LUC7L3: variants seen among roughly 807,000 people sequenced by gnomAD.
The protein encoded by LUC7L3 is luc7-like protein 3.
LUC7L3 carries 6 observed loss-of-function variants against 66.8 expected under a neutral mutation model. The observed-to-expected ratio is 0.09, with a 90% CI of 0.05 to 0.18. The LOEUF (loss-of-function observed/expected upper bound fraction) is 0.18, where lower values mean the gene tolerates loss of function less well. Among genes scored for constraint, LUC7L3 ranks in the 10% least tolerant of loss-of-function variants. The probability of loss-of-function intolerance (pLI) is 1.00; values close to 1 mark genes in which losing one functional copy is unlikely to be tolerated. For synonymous variants in LUC7L3, 160 were observed against 174.7 expected (o/e 0.92, Z 0.66); for missense variants, 341 against 531.1 (o/e 0.64, Z 3.52).
intron 1 of LUC7L3, among the ~76,000 whole-genome samples, chr17:50,727,914 C>A (rs1277515385): frequency 2.0e-5 from 3 of 148,300 alleles, no homozygotes; most frequent in Non-Finnish European, 4.4e-5. Flanking sequence ...ACCATCCTGG[C>A]TAACATGGTG....
chr17:50,726,807 T>TA (rs1413326041), intron 1 of LUC7L3, among the ~76,000 whole-genome samples: 3 of 152,084 alleles, frequency 2.0e-5, no homozygotes, highest in African/African-American at 7.2e-5. Context: ...ATACAGTATA[T>TA]AGCCAGGCAC....
chr17:50,743,208 TTA>T (rs975413593), intron 5 of LUC7L3, among the ~76,000 whole-genome samples: 8 of 147,790 alleles, frequency 5.4e-5, no homozygotes, highest in South Asian at 2.2e-4. Context: ...TTCCTTTTTT[TTA>T]AAAAAAAAAA....
chr17:50,740,826 C>T (rs1383554701), intron 3 of LUC7L3, among the ~76,000 whole-genome samples: 1 of 152,206 alleles, frequency 6.6e-6, no homozygotes, highest in African/African-American at 2.4e-5. Context: ...TCCCAAAGTG[C>T]TGGGATTACA....
intron 1 of LUC7L3, among the ~76,000 whole-genome samples, chr17:50,724,457 G>A (rs1969021642): frequency 6.6e-6 from 1 of 152,062 alleles, no homozygotes; most frequent in Non-Finnish European, 1.5e-5. Flanking sequence ...GGAGGCAGAG[G>A]TTGCAGTGAG....
intron 5 of LUC7L3, 136 bp downstream of exon 5, chr17:50,741,867 T>C: frequency 1.6e-6 from 1 of 620,270 alleles, no homozygotes; most frequent in South Asian, 2.2e-5. Context: ...GGAGGATTGC[T>C]TGAGCCGGAG....
intron 1 of LUC7L3, among the ~76,000 whole-genome samples, chr17:50,724,611 T>TTTGTGTGTGTGTG (rs112805672): frequency 6.8e-6 from 1 of 147,170 alleles, no homozygotes; most frequent in Admixed American, 6.8e-5. Flanking sequence ...TTTAGGAAAA[T>TTTGTGTGTGTGTG]TGTGTGTGTG....
chr17:50,720,223 C>T lies in LUC7L3; in HGVS notation c.99+392C>T, dbSNP rs550734814. 2.8e-4 allele frequency among the ~76,000 whole-genome samples: 43 copies of T among 152,248 alleles called. 1 individual carries two copies. The South Asian group carries it at 8.7e-3, about 31-fold the overall frequency. ...TCGTATTTAGACTAAAATTTCTGAC[C>T]AGGATTCATGGTAAAAATCGTGGCG... On this transcript the variant is annotated intron_variant, in intron 1 of 9. Transcript: ENST00000505658.
Position 50,750,482 on chromosome 17 carries a change from A to T in LUC7L3, c.1139-19A>T, listed in dbSNP as rs775133946. ...TATTTTACTTTAAAATCCATGGTCA[A>T]TGTCTTCTTTTATGGCAGAAAAGAG... On this transcript the variant is annotated intron_variant, in intron 9 of 9. Transcript: ENST00000505658. 1 of 1,602,208 alleles carries T rather than the reference A, an allele frequency of 6.2e-7. No individual in the cohort carries two copies. Among genetic ancestry groups the T allele is most frequent in the Non-Finnish European group, 8.5e-7 (1 of 1,174,436 alleles).
intron 1 of LUC7L3, among the ~76,000 whole-genome samples, chr17:50,726,423 T>C (rs1224974364): frequency 6.6e-6 from 1 of 152,102 alleles, no homozygotes; most frequent in Non-Finnish European, 1.5e-5. Context: ...CCGCCCACCT[T>C]GGCCTCCCAA....
Position 50,746,560 on chromosome 17 carries a change from A to C in LUC7L3, c.996A>C (p.Arg332Ser), listed in dbSNP as rs749332609. 1.2e-6 allele frequency: 2 copies of C among 1,613,008 alleles called. No individual in the cohort carries two copies. Among genetic ancestry groups the C allele is most frequent in the Admixed American group, 1.7e-5 (1 of 59,726 alleles). Residue 332 changes from arginine (R) to serine (S), a missense_variant, in exon 9 of 10, where the codon AGA (arginine) becomes AGC (serine). Transcript: ENST00000505658. Reference sequence around the variant, plus strand: ...TATTAAGAAGTAGAGATCGACGAAGAAGCAGAAGCCATGATCGATCAGAAA... The same window carrying C: ...TATTAAGAAGTAGAGATCGACGAAGCAGCAGAAGCCATGATCGATCAGAAA... ...RRRSRSRDRR[R>S]SRSHDRSERK...
chr17:50,738,868 G>GC (rs1241527930), intron 2 of LUC7L3, among the ~76,000 whole-genome samples: 2 of 151,990 alleles, frequency 1.3e-5, no homozygotes, highest in Non-Finnish European at 2.9e-5. Flanking sequence ...CCATACCTAG[G>GC]CATACCCCTG....
At chr17:50,725,765 T>A (rs1203078802) in intron 1 of LUC7L3, among the ~76,000 whole-genome samples, 1 of 152,130 alleles carries the variant, frequency 6.6e-6, no homozygotes, top group Non-Finnish European at 1.5e-5. Flanking sequence ...TAAGAAAAGA[T>A]AAGTACATCA....
intron 1 of LUC7L3, among the ~76,000 whole-genome samples, chr17:50,725,722 C>T (rs578009442): frequency 6.6e-5 from 10 of 151,810 alleles, no homozygotes; most frequent in South Asian, 2.1e-4. Flanking sequence ...AACTTGAAGA[C>T]GAATCACATA....
At chr17:50,740,424 A>G (rs113941431) in intron 3 of LUC7L3, 79 bp downstream of exon 3, 15 of 1,324,228 alleles carry the variant, frequency 1.1e-5, no homozygotes, top group Non-Finnish European at 1.4e-5. Context: ...GAATAATTGC[A>G]ATTAAATGTA....
chr17:50,745,571 T>C, intron 7 of LUC7L3, 149 bp from the exon 8 acceptor site: 1 of 588,712 alleles, frequency 1.7e-6, no homozygotes. Context: ...AATGATACCT[T>C]GTGTATATAC....
At chr17:50,740,785 G>GCT (rs1189190267) in intron 3 of LUC7L3, among the ~76,000 whole-genome samples, 4 of 152,068 alleles carry the variant, frequency 2.6e-5, no homozygotes, top group African/African-American at 9.7e-5. Context: ...GTCTCAAACT[G>GCT]CTGACCTCAA....
In LUC7L3 at chr17:50,745,858, G is replaced by C; in HGVS notation, c.832G>C (p.Glu278Gln). 1 of 1,597,332 alleles carries C rather than the reference G, an allele frequency of 6.3e-7. No homozygotes were observed. The highest frequency in any genetic ancestry group is 8.6e-7 in the Non-Finnish European group (1 of 1,168,080). Residue 278 changes from glutamate (E) to glutamine (Q), a missense_variant, in exon 8 of 10, where the codon GAA (glutamate) becomes CAA (glutamine). By Grantham distance (29) the Glu-to-Gln change is conservative. Transcript: ENST00000505658. Reference protein sequence around the residue: ...RERKRRREEEEREKERARDRE... With the variant: ...RERKRRREEEQREKERARDRE... ...AAGGAAAAGACGAAGGGAAGAGGAA[G>C]AAAGAGAAAAAGAAAGGGCTCGTGA... is the stretch of plus-strand genomic sequence containing the variant.
chr17:50,751,844 T>C lies in LUC7L3; in HGVS notation c.*1183T>C, dbSNP rs931010963. ...ACGAATTTGGGTTTTTAAAGAAATA[T>C]TAAAAGTTAGGTACTGTAAGTGTTC... is the stretch of plus-strand genomic sequence containing the variant. On this transcript the variant is annotated 3_prime_UTR_variant, in exon 10 of 10. Transcript: ENST00000505658. The C allele has an allele frequency of 1.9e-5, 19 of 1,008,522 alleles. No homozygotes were observed. The highest frequency in any genetic ancestry group is 8.0e-5 in the South Asian group (2 of 24,892). 62.5% of individuals were successfully genotyped at this position (1,008,522 alleles called of 1,614,324 possible). A position where few individuals can be genotyped will look rare whatever the true frequency, so the allele number is the denominator to read the frequency against.
chr17:50,743,645 A>G (rs890939153), intron 5 of LUC7L3, 61 bp from the exon 6 acceptor site: 6 of 1,097,284 alleles, frequency 5.5e-6, no homozygotes, highest in Non-Finnish European at 6.8e-6. Context: ...ACCATGGGGA[A>G]AAAAGACAAT....
Sources: gnomAD v4.1 joint callset for allele counts (sites outside exome capture counted in the v4.1 genomes callset) on GRCh38, gnomAD v4.1.1 for gene constraint, MANE v1.5 for transcripts, NCBI Gene and HGNC (gene_info 2026-07-23, HGNC 2026-07-21) for gene names.